The following SEBOX variants were observed in gnomAD, a reference collection of about 807,000 sequenced individuals.
The protein encoded by SEBOX is SEBOX homeobox, also known as homeobox protein SEBOX.
In SEBOX, 10 loss-of-function variants were observed where a neutral mutation model predicts 7.8. The observed-to-expected ratio is 1.28, with a 90% CI of 0.79 to 2.17. SEBOX has a LOEUF of 2.17. Ranked by LOEUF, SEBOX falls within the 30% of genes most tolerant of loss-of-function variation. SEBOX has a pLI of 0.00. For synonymous variants in SEBOX, 98 were observed against 91.5 expected (o/e 1.07, Z -0.40); for missense variants, 240 against 239.5 (o/e 1.00, Z -0.01).
At chr17:28,364,690 C>A in intron 2 of SEBOX, 42 bp from the exon 3 acceptor site, 1 of 1,570,036 alleles carries the variant, frequency 6.4e-7, no homozygotes, top group South Asian at 1.2e-5. Context: ...CCCCAGCATC[C>A]CCTCCACCCA....
rs1243306144 is a variant in SEBOX, at chr17:28,363,980, C to T, written c.*288G>A. Reference sequence around the variant, plus strand: ...CAAGAGTGGAGGAAAACATGACCCTCATCTCATCCTTCTGAAGGTACCACC... The same window carrying T: ...CAAGAGTGGAGGAAAACATGACCCTTATCTCATCCTTCTGAAGGTACCACC... On this transcript the variant is annotated 3_prime_UTR_variant, in exon 3 of 3. Transcript: ENST00000536498. 6.6e-6 allele frequency among the ~76,000 whole-genome samples: 1 copy of T among 152,198 alleles called. No individual in the cohort carries two copies. Among genetic ancestry groups the T allele is most frequent in the Non-Finnish European group, 1.5e-5 (1 of 68,036 alleles).
In SEBOX at chr17:28,364,933, G is replaced by A. The variant is rs1454532873; in HGVS notation, c.54C>T (p.Ser18=). The change falls in exon 2 of 3, where the codon TCC becomes TCT. Residue 18 remains serine (S), a synonymous_variant. Coordinates refer to ENST00000536498, the MANE Select transcript of SEBOX (RefSeq NM_001080837.4). Reference sequence around the variant, plus strand: ...TGAAGGTGGTCCGCTTTCTCCGGTGGGAACCCAACCCGCTGCCACCGTCTG... The same window carrying A: ...TGAAGGTGGTCCGCTTTCTCCGGTGAGAACCCAACCCGCTGCCACCGTCTG... ...SSADGGSGLG[S]HRRKRTTFSK... The A allele has an allele frequency of 1.2e-6, 2 of 1,612,390 alleles. No homozygotes were observed. Among genetic ancestry groups the A allele is most frequent in the Admixed American group, 1.7e-5 (1 of 59,768 alleles).
rs1555582763 is a variant in SEBOX, at chr17:28,364,838, T to A, written c.149A>T (p.Glu50Val). ...AWPYPNISTH[E>V]HLAWVTCLPE... ...AAGGCAAGTGACCCAGGCCAGGTGCTCATGGGTGCTGATGTTGGGGTAGGG... is the reference window on the plus strand; with the variant it reads ...AAGGCAAGTGACCCAGGCCAGGTGCACATGGGTGCTGATGTTGGGGTAGGG... The change falls in exon 2 of 3, where the codon GAG (glutamate) becomes GTG (valine). Residue 50 changes from glutamate (E) to valine (V), a missense_variant. Physicochemically the swap from Glu to Val is moderately radical, Grantham distance 121 (BLOSUM62 -2). Coordinates refer to ENST00000536498, the MANE Select transcript of SEBOX (RefSeq NM_001080837.4). The A allele has an allele frequency of 6.2e-7, 1 of 1,613,896 alleles. No individual in the cohort carries two copies. The highest frequency in any genetic ancestry group is 1.1e-5 in the South Asian group (1 of 91,068).
rs1461591497 is a variant in SEBOX at position 28,364,460 on chromosome 17, A to G, written c.381T>C (p.His127=). ...TCAAGCCAGGAGCTGGACAGGAGCT[A>G]TGTCGACACACTGAGGTGCGCTGAG... The part of the protein sequence containing the change: ...GTPQRTSVCR[H]SSCPAPGLSP... Residue 127 remains histidine (H), a synonymous_variant, in exon 3 of 3, where the codon CAT becomes CAC. Coordinates refer to ENST00000536498, the MANE Select transcript of SEBOX (RefSeq NM_001080837.4). The G allele has an allele frequency of 6.2e-7, 1 of 1,605,190 alleles. No individual in the cohort carries two copies. Among genetic ancestry groups the G allele is most frequent in the Non-Finnish European group, 8.5e-7 (1 of 1,175,342 alleles).
At position 28,363,689 on chromosome 17, in the gene SEBOX, C is replaced by A. The variant is rs1047932446; in HGVS notation, c.*579G>T. On this transcript the variant is annotated 3_prime_UTR_variant, in exon 3 of 3. Transcript: ENST00000536498. ...TTAAATCAACATAAGCCCCAGCTTC[C>A]TATCTTTGCTTCATTACTTTAATGC... is the stretch of plus-strand genomic sequence containing the variant. 1 of 152,246 alleles carries A rather than the reference C, an allele frequency of 6.6e-6. No homozygotes were observed. Among genetic ancestry groups the A allele is most frequent in the Non-Finnish European group, 1.5e-5 (1 of 68,060 alleles). The allele number at this position is 152,246 out of a possible 1,614,324, so 9.4% of individuals were successfully genotyped here. A position where few individuals can be genotyped will look rare whatever the true frequency, so the allele number is the denominator to read the frequency against.
chr17:28,364,657 A>G lies in SEBOX; in HGVS notation c.193-9T>C, dbSNP rs1555582737. The G allele has an allele frequency of 1.3e-6, 2 of 1,545,140 alleles. No homozygotes were observed. Among genetic ancestry groups the G allele is most frequent in the Non-Finnish European group, 1.7e-6 (2 of 1,149,264 alleles). The stretch of plus-strand genomic sequence containing the variant: ...CGCTTCTGGAACCACACCTGCTAGG[A>G]AAGAAGAAGGGGTCTGTTCTGGCCC... On this transcript the variant is annotated splice_polypyrimidine_tract_variant and intron_variant, in intron 2 of 2. Transcript: ENST00000536498.
At position 28,364,850 on chromosome 17, in the gene SEBOX, A is replaced by G; in HGVS notation, c.137T>C (p.Ile46Thr). Residue 46 changes from isoleucine to threonine, a missense_variant, in exon 2 of 3, where the codon ATC becomes ACC. By Grantham distance (89) the Ile-to-Thr change is moderately conservative (BLOSUM62 -1). Transcript: ENST00000536498. ...RAFAAWPYPN[I>T]STHEHLAWVT... ...CCAGGCCAGGTGCTCATGGGTGCTG[A>G]TGTTGGGGTAGGGCCATGCTGCAAA... The G allele has an allele frequency of 1.2e-6, 2 of 1,613,868 alleles. No individual in the cohort carries two copies. The highest frequency in any genetic ancestry group is 1.7e-6 in the Non-Finnish European group (2 of 1,179,834).
At position 28,364,264 on chromosome 17, in the gene SEBOX, A is replaced by G; in HGVS notation, c.*4T>C. 1 of 1,599,252 alleles carries G rather than the reference A, an allele frequency of 6.3e-7. No individual in the cohort carries two copies. The highest frequency in any genetic ancestry group is 8.5e-7 in the Non-Finnish European group (1 of 1,170,802). On this transcript the variant is annotated 3_prime_UTR_variant, in exon 3 of 3. Transcript: ENST00000536498. ...GGAGGGGCCTTGCAAGTTCTGGACA[A>G]AGACTAGGAGTGGTCCACATTGACG...
Position 28,364,870 on chromosome 17 carries a change from T to A in SEBOX, c.117A>T (p.Ala39=), listed in dbSNP as rs1416808179. ...TGCTGATGTTGGGGTAGGGCCATGC[T>A]GCAAACGCCCTCTCCAGCTCCAGTA... ...GQLLELERAF[A]AWPYPNISTH... is the part of the protein sequence containing the mutation. The change falls in exon 2 of 3, where the codon GCA becomes GCT. Residue 39 remains alanine, a synonymous_variant. Transcript: ENST00000536498. 2 of 1,613,786 alleles carry A rather than the reference T, an allele frequency of 1.2e-6. No individual in the cohort carries two copies. The highest frequency in any genetic ancestry group is 1.7e-6 in the Non-Finnish European group (2 of 1,179,868).
Position 28,364,429 on chromosome 17 carries a change from G to C in SEBOX, c.412C>G (p.Arg138Gly), listed in dbSNP as rs782291762. 1 of 1,594,514 alleles carries C rather than the reference G, an allele frequency of 6.3e-7. No individual in the cohort carries two copies. Among genetic ancestry groups the C allele is most frequent in the Non-Finnish European group, 8.5e-7 (1 of 1,170,090 alleles). Residue 138 changes from arginine (R) to glycine (G), a missense_variant, in exon 3 of 3, where the codon CGG (arginine) becomes GGG (glycine). Physicochemically the swap from Arg to Gly is moderately radical, Grantham distance 125. Coordinates refer to ENST00000536498, the MANE Select transcript of SEBOX (RefSeq NM_001080837.4). ...GCTTTAGCCCCTTCCCAGCCCTGCC[G>C]TGGACTCAAGCCAGGAGCTGGACAG... Reference protein sequence around the residue: ...SSCPAPGLSPRQGWEGAKAVA... With the variant: ...SSCPAPGLSPGQGWEGAKAVA...
rs782025153 is a variant in SEBOX, at chr17:28,365,170, GGTGCCAGAGGGCC to G, written c.-32_-20del. The G allele has an allele frequency of 1.1e-4, 175 of 1,611,858 alleles. No individual in the cohort carries two copies. Among genetic ancestry groups the G allele is most frequent in the African/African-American group, 7.5e-4 (56 of 74,996 alleles). Reference sequence around the variant, plus strand: ...TGGGCATGGAGCTGGCAAAGGGTAAGGTGCCAGAGGGCCGTGCCAGAGGGCCATGCCAGGGCTG... The same window carrying G: ...TGGGCATGGAGCTGGCAAAGGGTAAGGTGCCAGAGGGCCATGCCAGGGCTG... On this transcript the variant is annotated 5_prime_UTR_variant, in exon 1 of 3. Coordinates refer to ENST00000536498, the MANE Select transcript of SEBOX (RefSeq NM_001080837.4).
chr17:28,365,159 G>T lies in SEBOX; in HGVS notation c.-8C>A. 6.2e-7 allele frequency: 1 copy of T among 1,610,928 alleles called. No homozygotes were observed. ...ATCCACAGGGCTGGGCATGGAGCTG[G>T]CAAAGGGTAAGGTGCCAGAGGGCCG... On this transcript the variant is annotated 5_prime_UTR_variant, in exon 1 of 3. Coordinates refer to ENST00000536498, the MANE Select transcript of SEBOX (RefSeq NM_001080837.4).
rs1555582590 is a variant in SEBOX at position 28,364,212 on chromosome 17, G to T, written c.*56C>A. 12 of 1,518,006 alleles carry T rather than the reference G, an allele frequency of 7.9e-6. No homozygotes were observed. The highest frequency in any genetic ancestry group is 2.3e-5 in the East Asian group (1 of 43,380). 94.0% of individuals were successfully genotyped at this position (1,518,006 alleles called of 1,614,324 possible). A position where few individuals can be genotyped will look rare whatever the true frequency, so the allele number is the denominator to read the frequency against. On this transcript the variant is annotated 3_prime_UTR_variant, in exon 3 of 3. Coordinates refer to ENST00000536498, the MANE Select transcript of SEBOX (RefSeq NM_001080837.4). ...ACTTCTGATGTGTTCAATCCCAGGA[G>T]GGGCAGGGTGGGCCACAGGAGTCAG...
intron 1 of SEBOX, 69 bp from the exon 2 acceptor site, chr17:28,365,024 A>G: frequency 3.2e-6 from 5 of 1,577,392 alleles, no homozygotes; most frequent in East Asian, 2.3e-5. Context: ...AAAGCCCTCA[A>G]TCAACCCCGA....
rs1555582710 is a variant in SEBOX at position 28,364,605 on chromosome 17, TTCC to T, written c.233_235del (p.Arg78del). ...AGACCCAGGGCTTAGAATTCCTGACTTCCTGTTCTTGATTATTTTGGCCCAGCG... is the reference window on the plus strand; with the variant it reads ...AGACCCAGGGCTTAGAATTCCTGACTTGTTCTTGATTATTTTGGCCCAGCG... On this transcript the variant is annotated inframe_deletion, in exon 3 of 3. Coordinates refer to ENST00000536498, the MANE Select transcript of SEBOX (RefSeq NM_001080837.4). The T allele has an allele frequency of 6.5e-7, 1 of 1,545,208 alleles. No homozygotes were observed. Among genetic ancestry groups the T allele is most frequent in the South Asian group, 1.3e-5 (1 of 79,016 alleles).
chr17:28,365,165 G>C lies in SEBOX; in HGVS notation c.-14C>G. The C allele has an allele frequency of 6.2e-7, 1 of 1,611,594 alleles. No homozygotes were observed. The highest frequency in any genetic ancestry group is 8.5e-7 in the Non-Finnish European group (1 of 1,178,972). ...AGGGCTGGGCATGGAGCTGGCAAAGGGTAAGGTGCCAGAGGGCCGTGCCAG... is the reference window on the plus strand; with the variant it reads ...AGGGCTGGGCATGGAGCTGGCAAAGCGTAAGGTGCCAGAGGGCCGTGCCAG... On this transcript the variant is annotated 5_prime_UTR_variant, in exon 1 of 3. Coordinates refer to ENST00000536498, the MANE Select transcript of SEBOX (RefSeq NM_001080837.4).
In SEBOX at chr17:28,364,370, C is replaced by T. The variant is rs782814867; in HGVS notation, c.471G>A (p.Glu157=). 6.3e-6 allele frequency: 10 copies of T among 1,593,520 alleles called. No individual in the cohort carries two copies. The highest frequency in any genetic ancestry group is 8.5e-6 in the Non-Finnish European group (10 of 1,169,884). ...TAGCTCGCTCTAAAGAAGGGTGGAC[C>T]TCTGAAGCCCCAGCTGATCCCCATG... ...VAPWGSAGAS[E]VHPSLERATP... The change falls in exon 3 of 3, where the codon GAG becomes GAA. Residue 157 remains glutamate (E), a synonymous_variant. Transcript: ENST00000536498.
Position 28,364,481 on chromosome 17 carries a change from C to G in SEBOX, c.360G>C (p.Gln120His), listed in dbSNP as rs1385403149. 3.7e-6 allele frequency: 6 copies of G among 1,609,200 alleles called. No homozygotes were observed. The highest frequency in any genetic ancestry group is 5.1e-6 in the Non-Finnish European group (6 of 1,176,888). The change falls in exon 3 of 3, where the codon CAG (glutamine) becomes CAC (histidine). Residue 120 changes from glutamine to histidine, a missense_variant. Gln to His is a conservative substitution (Grantham distance 24). Coordinates refer to ENST00000536498, the MANE Select transcript of SEBOX (RefSeq NM_001080837.4). The stretch of plus-strand genomic sequence containing the variant: ...AGCTATGTCGACACACTGAGGTGCG[C>G]TGAGGTGTGCCGCTGGAGGGTGGAG... ...GQPPPSSGTP[Q>H]RTSVCRHSSC...
At position 28,364,451 on chromosome 17, in the gene SEBOX, A is replaced by G. The variant is rs2142410783; in HGVS notation, c.390T>C (p.Cys130=). Residue 130 remains cysteine (C), a synonymous_variant, in exon 3 of 3, where the codon TGT becomes TGC. Coordinates refer to ENST00000536498, the MANE Select transcript of SEBOX (RefSeq NM_001080837.4). ...GCCGTGGACTCAAGCCAGGAGCTGGACAGGAGCTATGTCGACACACTGAGG... is the reference window on the plus strand; with the variant it reads ...GCCGTGGACTCAAGCCAGGAGCTGGGCAGGAGCTATGTCGACACACTGAGG... The part of the protein sequence containing the change: ...QRTSVCRHSS[C]PAPGLSPRQG... The G allele has an allele frequency of 1.2e-6, 2 of 1,602,020 alleles. No individual in the cohort carries two copies. Among genetic ancestry groups the G allele is most frequent in the East Asian group, 2.2e-5 (1 of 44,482 alleles).
Sources: allele counts gnomAD v4.1 joint callset (sites outside exome capture counted in the v4.1 genomes callset), GRCh38; gene constraint gnomAD v4.1.1; transcripts MANE v1.5; gene names NCBI Gene and HGNC (gene_info 2026-07-23, HGNC 2026-07-21).